The following WWOX variants were observed in gnomAD, a reference collection of about 807,000 sequenced individuals.
WWOX encodes WW domain-containing oxidoreductase.
Under a neutral mutation model 46.2 loss-of-function variants are expected in WWOX, and 69 were observed. The ratio of observed to expected loss-of-function variants is 1.49; its 90% CI spans 1.23 to 1.82. WWOX has a LOEUF of 1.82. Ranked by LOEUF, WWOX falls within the 40% of genes most tolerant of loss-of-function variation. WWOX has a pLI of 0.00. For synonymous variants in WWOX, 359 were observed against 202.6 expected, an observed-to-expected ratio of 1.77 and a Z score of -6.56; for missense variants, 919 against 542.6, an observed-to-expected ratio of 1.69 and a Z score of -6.89.
At chr16:78,337,341 T>G (rs1005047800) in intron 5 of WWOX, among the ~76,000 whole-genome samples, 4 of 152,204 alleles carry the variant, frequency 2.6e-5, no homozygotes, top group Non-Finnish European at 5.9e-5. Flanking sequence ...TAAGGTCTTG[T>G]GTACCCACCG....
intron 8 of WWOX, among the ~76,000 whole-genome samples, chr16:79,024,786 G>C (rs986370275): frequency 6.6e-6 from 1 of 152,098 alleles, no homozygotes; most frequent in African/African-American, 2.4e-5. Context: ...TTTCCAAGCT[G>C]ATCTCAAAAT....
intron 6 of WWOX, among the ~76,000 whole-genome samples, chr16:78,396,127 T>A (rs941547517): frequency 3.3e-5 from 5 of 152,210 alleles, no homozygotes; most frequent in Non-Finnish European, 5.9e-5. Context: ...GGCTAGAGAT[T>A]GGAAATAAAG....
intron 8 of WWOX, among the ~76,000 whole-genome samples, chr16:78,687,417 C>G (rs943044440): frequency 3.9e-5 from 6 of 152,176 alleles, no homozygotes; most frequent in South Asian, 2.1e-4. Context: ...AGGATTTGTT[C>G]TATTGCATGC....
intron 5 of WWOX, among the ~76,000 whole-genome samples, chr16:78,184,674 G>T (rs183836015): frequency 6.6e-6 from 1 of 152,198 alleles, no homozygotes; most frequent in African/African-American, 2.4e-5. Context: ...TAAAAACACT[G>T]TTCGGTTTGT....
chr16:79,061,087 G>C (rs1418431088), intron 8 of WWOX, among the ~76,000 whole-genome samples: 2 of 152,154 alleles, frequency 1.3e-5, no homozygotes, highest in South Asian at 2.1e-4. Flanking sequence ...CGTGCCCCTT[G>C]AACGCAAGAG....
At chr16:78,525,571 C>G (rs1452503742) in intron 8 of WWOX, 3 of 152,162 alleles carry the variant, frequency 2.0e-5, no homozygotes, top group East Asian at 3.9e-4. Context: ...GATTGAGTCT[C>G]AAAATGTCTG....
chr16:78,331,046 A>G (rs2080743770), intron 5 of WWOX, among the ~76,000 whole-genome samples: 1 of 152,172 alleles, frequency 6.6e-6, no homozygotes, highest in African/African-American at 2.4e-5. Context: ...TCATGTAGTA[A>G]ATAAGATAAT....
intron 5 of WWOX, among the ~76,000 whole-genome samples, chr16:78,329,025 C>G (rs1445558509): frequency 6.6e-6 from 1 of 152,018 alleles, no homozygotes; most frequent in Non-Finnish European, 1.5e-5. Flanking sequence ...CCATGACAGG[C>G]TGATTTTCTT....
At chr16:78,858,737 G>A (rs2052630415) in intron 8 of WWOX, among the ~76,000 whole-genome samples, 1 of 151,500 alleles carries the variant, frequency 6.6e-6, no homozygotes, top group African/African-American at 2.4e-5. Context: ...TGTAGTGCAG[G>A]GCACAATCAC....
chr16:78,282,832 C>T (rs1454420583), intron 5 of WWOX, among the ~76,000 whole-genome samples: 7 of 135,032 alleles, frequency 5.2e-5, no homozygotes, highest in Non-Finnish European at 7.6e-5. Flanking sequence ...GAGCCGAGAT[C>T]GTGCCGTTGC....
At chr16:78,374,527 A>ATTTTTTT (rs541225697) in intron 5 of WWOX, among the ~76,000 whole-genome samples, 18 of 70,900 alleles carry the variant, frequency 2.5e-4, no homozygotes, top group East Asian at 8.0e-4. Flanking sequence ...TCTGTCTTGA[A>ATTTTTTT]TTTTTTTTTT....
intron 5 of WWOX, among the ~76,000 whole-genome samples, chr16:78,335,913 G>A (rs1280952353): frequency 2.0e-5 from 3 of 152,082 alleles, no homozygotes; most frequent in Non-Finnish European, 4.4e-5. Context: ...CCAACATGGT[G>A]AAACTCCATC....
intron 8 of WWOX, among the ~76,000 whole-genome samples, chr16:79,200,820 G>C (rs183906719): frequency 2.0e-5 from 3 of 152,202 alleles, no homozygotes; most frequent in African/African-American, 7.2e-5. Context: ...CTGGCTAAAG[G>C]AGAGGTGCTG....
intron 4 of WWOX, among the ~76,000 whole-genome samples, chr16:78,157,675 C>G (rs1011739549): frequency 1.3e-5 from 2 of 152,178 alleles, no homozygotes; most frequent in East Asian, 3.9e-4. Flanking sequence ...CAGGTTGTCT[C>G]AGCAATGAGG....
At chr16:78,934,023 C>G (rs889292720) in intron 8 of WWOX, among the ~76,000 whole-genome samples, 42 of 152,082 alleles carry the variant, frequency 2.8e-4, no homozygotes, top group African/African-American at 9.2e-4. Context: ...GAGACACCGT[C>G]TCTCAAAAAA....
intron 8 of WWOX, among the ~76,000 whole-genome samples, chr16:78,490,963 C>G (rs923523481): frequency 6.6e-6 from 1 of 152,184 alleles, no homozygotes; most frequent in African/African-American, 2.4e-5. Flanking sequence ...CTTGGCTCAC[C>G]AGCCCCTGAG....
intron 8 of WWOX, among the ~76,000 whole-genome samples, chr16:79,024,686 C>G (rs112606321): frequency 0.067 from 10,186 of 152,146 alleles, 460 homozygotes; most frequent in Middle Eastern, 0.15. Flanking sequence ...CTGCCCACCT[C>G]GGCCTCCCAA....
chr16:78,325,039 T>C (rs1174472619), intron 5 of WWOX, among the ~76,000 whole-genome samples: 1 of 152,172 alleles, frequency 6.6e-6, no homozygotes, highest in East Asian at 1.9e-4. Flanking sequence ...ATTCCTCAGA[T>C]TCCTTGGCCA....
At chr16:78,981,951 G>T (rs988214398) in intron 8 of WWOX, 1 of 152,126 alleles carries the variant, frequency 6.6e-6, no homozygotes, top group East Asian at 1.9e-4. Context: ...ATGTCCTGCT[G>T]GAGAGACCCT....
Sources: allele counts gnomAD v4.1 joint callset (sites outside exome capture counted in the v4.1 genomes callset), GRCh38; gene constraint gnomAD v4.1.1; transcripts MANE v1.5; gene names NCBI Gene and HGNC (gene_info 2026-07-23, HGNC 2026-07-21).